PHACTR1: variants seen among roughly 807,000 people sequenced by gnomAD.
PHACTR1 encodes RPEL repeat containing 1.
Under a neutral mutation model 69.2 loss-of-function variants are expected in PHACTR1, and 16 were observed. The observed-to-expected ratio is 0.23, with a 90% CI of 0.16 to 0.35. The LOEUF (loss-of-function observed/expected upper bound fraction) is 0.35. PHACTR1 is among the 10% of genes least tolerant of loss of function. The pLI is 1.00. For synonymous variants in PHACTR1, 312 were observed against 284.5 expected (o/e 1.10, Z -0.97); for missense variants, 510 against 734.7 (o/e 0.69, Z 3.54).
intron 10 of PHACTR1, among the ~76,000 whole-genome samples, chr6:13,255,276 AC>A (rs1775023372): frequency 3.3e-5 from 5 of 152,266 alleles, no homozygotes; most frequent in African/African-American, 1.2e-4. Context: ...GAAGGTGCTA[AC>A]CCATTCATGA....
At chr6:13,021,758 C>G (rs1801008739) in intron 4 of PHACTR1, among the ~76,000 whole-genome samples, 1 of 152,216 alleles carries the variant, frequency 6.6e-6, no homozygotes, top group South Asian at 2.1e-4. Context: ...AAGGTTCTAA[C>G]TGACTGAGTT....
intron 4 of PHACTR1, among the ~76,000 whole-genome samples, chr6:13,000,089 G>C (rs904591994): frequency 6.6e-6 from 1 of 152,200 alleles, no homozygotes; most frequent in Non-Finnish European, 1.5e-5. Context: ...GTGTACTGCA[G>C]GTGTCTTCCA....
Position 13,230,044 on chromosome 6 carries a change from G to T in PHACTR1, c.1242G>T (p.Leu414=). The T allele has an allele frequency of 6.2e-7, 1 of 1,608,946 alleles. No individual in the cohort carries two copies. The highest frequency in any genetic ancestry group is 8.5e-7 in the Non-Finnish European group (1 of 1,177,576). ...DDDSSLYTSS[L]AMKVCRKDSL... is the part of the protein sequence containing the mutation. ...CATTTCTGTCTCCTACAGGCTCCCT[G>T]GCCATGAAGGTCTGCAGGAAGGACT... Residue 414 remains leucine, a synonymous_variant, in exon 10 of 15, where the codon CTG becomes CTT. Transcript: ENST00000332995.
intron 3 of PHACTR1, among the ~76,000 whole-genome samples, chr6:12,723,781 T>C (rs369533295): frequency 2.6e-5 from 4 of 152,142 alleles, no homozygotes; most frequent in East Asian, 3.9e-4. Context: ...CCTGGGAGAT[T>C]TCACAACCTA....
chr6:13,265,668 A>G (rs1300984262), intron 10 of PHACTR1, among the ~76,000 whole-genome samples: 2 of 152,070 alleles, frequency 1.3e-5, no homozygotes, highest in African/African-American at 4.8e-5. Flanking sequence ...TGTGAGTGCG[A>G]TCCTCTTGCA....
intron 5 of PHACTR1, among the ~76,000 whole-genome samples, chr6:13,079,540 C>T (rs1811052391): frequency 6.6e-6 from 1 of 152,060 alleles, no homozygotes; most frequent in African/African-American, 2.4e-5. Flanking sequence ...CTACAGGAGA[C>T]ACGCAGATAG....
intron 4 of PHACTR1, among the ~76,000 whole-genome samples, chr6:12,955,192 CTTTTT>C (rs1161324144): frequency 9.7e-6 from 1 of 103,290 alleles, no homozygotes; most frequent in South Asian, 3.1e-4. Flanking sequence ...TGTATTTCCT[CTTTTT>C]TTTTTTTTTT....
At position 12,983,528 on chromosome 6, in the gene PHACTR1, ATTATTTAT is replaced by A. The variant is rs535231733; in HGVS notation, c.251-69818_251-69811del. ...GTAGGAATTCTAAGGAGACGTATTT[ATTATTTAT>A]TTATTTATTTATTTATTTTTATTGT... On this transcript the variant is annotated intron_variant, in intron 4 of 14. Transcript: ENST00000332995. 5.3e-5 allele frequency among the ~76,000 whole-genome samples: 8 copies of A among 152,162 alleles called. No individual in the cohort carries two copies. The South Asian group carries it at 8.3e-4, about 16-fold the overall frequency.
chr6:12,945,168 C>T (rs1400870942), intron 4 of PHACTR1, among the ~76,000 whole-genome samples: 1 of 152,138 alleles, frequency 6.6e-6, no homozygotes, highest in Non-Finnish European at 1.5e-5. Flanking sequence ...CCTTTTGCCT[C>T]CTTTATTCCC....
At chr6:12,991,931 T>A (rs1016378712) in intron 4 of PHACTR1, among the ~76,000 whole-genome samples, 12 of 152,026 alleles carry the variant, frequency 7.9e-5, no homozygotes, top group African/African-American at 2.7e-4. Context: ...GACATAAGTA[T>A]GTTTCTGTGT....
intron 4 of PHACTR1, among the ~76,000 whole-genome samples, chr6:12,904,927 C>T (rs1209095919): frequency 6.6e-6 from 1 of 152,154 alleles, no homozygotes; most frequent in East Asian, 1.9e-4. Context: ...GCAGTGAGCA[C>T]TCAGCAATAA....
At chr6:13,032,269 T>G (rs1802551495) in intron 4 of PHACTR1, among the ~76,000 whole-genome samples, 1 of 152,262 alleles carries the variant, frequency 6.6e-6, no homozygotes, top group Admixed American at 6.5e-5. Flanking sequence ...ATTTTAAATG[T>G]TGGCTATCCT....
At chr6:12,785,307 C>G (rs1771404155) in intron 4 of PHACTR1, among the ~76,000 whole-genome samples, 1 of 152,142 alleles carries the variant, frequency 6.6e-6, no homozygotes, top group Non-Finnish European at 1.5e-5. Flanking sequence ...GCTGTATCCA[C>G]CACCGGTCCA....
chr6:13,277,546 C>T (rs1009462208), intron 11 of PHACTR1, among the ~76,000 whole-genome samples: 3 of 152,210 alleles, frequency 2.0e-5, no homozygotes, highest in Non-Finnish European at 2.9e-5. Flanking sequence ...CAATGAGCCT[C>T]CTTCAGTGTC....
At chr6:12,901,171 G>A (rs1785148251) in intron 4 of PHACTR1, among the ~76,000 whole-genome samples, 2 of 152,204 alleles carry the variant, frequency 1.3e-5, no homozygotes, top group Non-Finnish European at 2.9e-5. Context: ...TGGAGGCCCT[G>A]TTGGGCTACT....
rs1185893677 is a variant in PHACTR1 at position 13,227,698 on chromosome 6, T to C, written c.987-118T>C. On this transcript the variant is annotated intron_variant, in intron 8 of 14. Transcript: ENST00000332995. ...GTAAGATGAGCAATGGAACTTTACTTGCCCAGTAGACCCTTTGTCTCTTAG... is the reference window on the plus strand; with the variant it reads ...GTAAGATGAGCAATGGAACTTTACTCGCCCAGTAGACCCTTTGTCTCTTAG... 7 of 1,334,590 alleles carry C rather than the reference T, an allele frequency of 5.2e-6. No homozygotes were observed. The East Asian group carries it at 1.4e-4, about 26-fold the overall frequency. 82.7% of individuals were successfully genotyped at this position (1,334,590 alleles called of 1,614,324 possible). A position where few individuals can be genotyped will look rare whatever the true frequency, so the allele number is the denominator to read the frequency against.
At chr6:13,104,404 A>G (rs565859158) in intron 5 of PHACTR1, among the ~76,000 whole-genome samples, 47 of 152,352 alleles carry the variant, frequency 3.1e-4, no homozygotes, top group Non-Finnish European at 5.9e-4. Context: ...TGAACAGGAA[A>G]CATTTGAACT....
chr6:12,982,813 C>A (rs546451157), intron 4 of PHACTR1, among the ~76,000 whole-genome samples: 19 of 152,304 alleles, frequency 1.2e-4, no homozygotes, highest in African/African-American at 4.1e-4. Context: ...GTTTGCTCAT[C>A]CATCCAGTGG....
chr6:13,247,914 G>A (rs892446954), intron 10 of PHACTR1, among the ~76,000 whole-genome samples: 5 of 152,056 alleles, frequency 3.3e-5, no homozygotes, highest in Non-Finnish European at 7.4e-5. Context: ...AGCTACCATC[G>A]ACAAATTTGG....
Sources: allele counts gnomAD v4.1 joint callset (sites outside exome capture counted in the v4.1 genomes callset), GRCh38; gene constraint gnomAD v4.1.1; transcripts MANE v1.5; gene names NCBI Gene and HGNC (gene_info 2026-07-23, HGNC 2026-07-21).